Variants in HADHA observed in about 807,000 individuals in gnomAD.
HADHA encodes hydroxyacyl-CoA dehydrogenase trifunctional multienzyme complex subunit alpha, also known as trifunctional enzyme subunit alpha, mitochondrial.
A neutral mutation model predicts 91.3 loss-of-function variants in HADHA; 59 were observed. The ratio of observed to expected loss-of-function variants is 0.65; its 90% confidence interval spans 0.52 to 0.80. HADHA has a LOEUF of 0.80. HADHA is among the 30% of genes least tolerant of loss of function. The pLI is 0.00. For synonymous variants in HADHA, 320 were observed against 338.9 expected (o/e 0.94, Z 0.61); for missense variants, 800 against 927.6 (o/e 0.86, Z 1.79).
rs545973602 is a variant in HADHA, at chr2:26,242,339, T to C, written c.67+2191A>G. On this transcript the variant is annotated intron_variant, in intron 1 of 19. Coordinates refer to ENST00000380649, the MANE Select transcript of HADHA (RefSeq NM_000182.5). ...GTCATTTTAAATTCACTTTCCAGAC[T>C]TTTTTTCAAAATTTATAAATTGCTA... Among the ~76,000 whole-genome samples the C allele has an allele frequency of 2.1e-3, 318 of 152,304 alleles. 1 individual carries two copies. The highest frequency in any genetic ancestry group is 0.01 in the Middle Eastern group (3 of 294).
chr2:26,214,916 T>G lies in HADHA; in HGVS notation c.799+137A>C. The G allele has an allele frequency of 1.1e-6, 1 of 869,720 alleles. No homozygotes were observed. The highest frequency in any genetic ancestry group is 1.9e-6 in the Non-Finnish European group (1 of 516,768). 53.9% of individuals were successfully genotyped at this position (869,720 alleles called of 1,614,324 possible). On this transcript the variant is annotated intron_variant, in intron 8 of 19. Transcript: ENST00000380649. The surrounding 1 kb of genome is among the most constrained non-coding windows in gnomAD (Gnocchi z 4.1). ...GGATAGTGTAAAGTTGAGGAGTTGT[T>G]ACATCTCCTACCTAAGGCTGACTTT...
Position 26,221,941 on chromosome 2 carries a change from G to A in HADHA, c.677-6766C>T, listed in dbSNP as rs1670384352. On this transcript the variant is annotated intron_variant, in intron 7 of 19. Transcript: ENST00000380649. This position sits in a 1 kb window ranked among gnomAD's most constrained non-coding sequence, Gnocchi z 4.8. The stretch of plus-strand genomic sequence containing the variant: ...TAGGCCGTGGCAAACGGTTTGCCTG[G>A]GTGGTAAGGAACTTACAGGGAACAC... 6.6e-6 allele frequency among the ~76,000 whole-genome samples: 1 copy of A among 152,160 alleles called. No individual in the cohort carries two copies.
Position 26,191,152 on chromosome 2 carries a change from T to TC in HADHA, c.*97dup, listed in dbSNP as rs1436388101. 6 of 1,281,236 alleles carry TC rather than the reference T, an allele frequency of 4.7e-6. No individual in the cohort carries two copies. Among genetic ancestry groups the TC allele is most frequent in the Non-Finnish European group, 6.8e-6 (6 of 884,856 alleles). The allele number at this position is 1,281,236 out of a possible 1,614,324, so 79.4% of individuals were successfully genotyped here. A position where few individuals can be genotyped will look rare whatever the true frequency, so the allele number is the denominator to read the frequency against. ...GCAAACCCAGTGCCGGAGTTTGTCT[T>TC]CTCGTTACTCTGATAAATCTAGACA... On this transcript the variant is annotated 3_prime_UTR_variant, in exon 20 of 20. Transcript: ENST00000380649.
At chr2:26,216,317 A>ATTTTT (rs11406704) in intron 7 of HADHA, among the ~76,000 whole-genome samples, 15 of 110,184 alleles carry the variant, frequency 1.4e-4, no homozygotes, top group African/African-American at 3.2e-4. Flanking sequence ...CATTTGACCT[A>ATTTTT]TTTTTTTTTT....
chr2:26,201,082 TAA>T, intron 13 of HADHA, 65 bp downstream of exon 13: 4 of 1,152,582 alleles, frequency 3.5e-6, no homozygotes, highest in Non-Finnish European at 5.1e-6. Flanking sequence ...ATAGCTCCTT[TAA>T]AAAAAAAATC....
At chr2:26,222,971 G>A (rs796542627) in intron 7 of HADHA, among the ~76,000 whole-genome samples, 7 of 152,266 alleles carry the variant, frequency 4.6e-5, no homozygotes, top group African/African-American at 1.4e-4. Context: ...GCCAGGATTC[G>A]TGAGTCCAGA....
intron 7 of HADHA, among the ~76,000 whole-genome samples, chr2:26,225,397 CA>C (rs35279747): frequency 0.014 from 2,015 of 139,014 alleles, 12 homozygotes; most frequent in African/African-American, 0.027. Context: ...GACTCCATCT[CA>C]AAAAAAAAAA....
intron 7 of HADHA, among the ~76,000 whole-genome samples, chr2:26,219,156 T>C (rs1670309992): frequency 6.6e-6 from 1 of 150,730 alleles, no homozygotes; most frequent in African/African-American, 2.4e-5. Context: ...TGAGATGGAG[T>C]CTCGCTCTGT....
chr2:26,205,193 A>G (rs537696293), intron 11 of HADHA, among the ~76,000 whole-genome samples: 9 of 152,208 alleles, frequency 5.9e-5, no homozygotes, highest in Admixed American at 1.3e-4. Context: ...AATTTGCCAT[A>G]TTCCCATAGT....
At chr2:26,230,389 A>G (rs1670594522) in intron 6 of HADHA, 95 bp from the exon 7 acceptor site, 1 of 807,838 alleles carries the variant, frequency 1.2e-6, no homozygotes, top group African/African-American at 1.7e-5. Flanking sequence ...TATTAAAATG[A>G]GAAAAGTCAA....
chr2:26,214,825 GAA>G lies in HADHA; in HGVS notation c.799+226_799+227del, dbSNP rs1317088912. 2.6e-5 allele frequency among the ~76,000 whole-genome samples: 4 copies of G among 152,210 alleles called. No individual in the cohort carries two copies. In the East Asian group the frequency reaches 7.7e-4, roughly 29 times the overall value. ...GTTCATGCTTAACATTTTCTAAAAT[GAA>G]AAGTTTTCTATGACTCAAGGGTCAT... is the stretch of plus-strand genomic sequence containing the variant. On this transcript the variant is annotated intron_variant, in intron 8 of 19. Coordinates refer to ENST00000380649, the MANE Select transcript of HADHA (RefSeq NM_000182.5). The surrounding 1 kb of genome is among the most constrained non-coding windows in gnomAD (Gnocchi z 4.1).
chr2:26,197,540 T>C, intron 14 of HADHA, 151 bp downstream of exon 14: 1 of 684,258 alleles, frequency 1.5e-6, no homozygotes, highest in Non-Finnish European at 2.7e-6. Flanking sequence ...CTCACACTAG[T>C]CATGGTATTA....
chr2:26,208,445 A>C (rs1285018538), intron 11 of HADHA, among the ~76,000 whole-genome samples: 2 of 152,200 alleles, frequency 1.3e-5, no homozygotes, highest in Admixed American at 6.6e-5. Context: ...GAGTTAATAA[A>C]TTAAGACACT....
intron 7 of HADHA, among the ~76,000 whole-genome samples, chr2:26,226,807 T>A (rs1670494604): frequency 6.6e-6 from 1 of 151,958 alleles, no homozygotes; most frequent in Non-Finnish European, 1.5e-5. Context: ...CCATAAATAC[T>A]CCAAATGGAT....
intron 11 of HADHA, among the ~76,000 whole-genome samples, chr2:26,209,349 C>T (rs1670040084): frequency 6.6e-6 from 1 of 152,108 alleles, no homozygotes; most frequent in Non-Finnish European, 1.5e-5. Flanking sequence ...CTTTCCAATA[C>T]TTAGGTTGTA....
chr2:26,223,559 C>G (rs556572599), intron 7 of HADHA, among the ~76,000 whole-genome samples: 1 of 152,172 alleles, frequency 6.6e-6, no homozygotes, highest in Non-Finnish European at 1.5e-5. Flanking sequence ...CAGTGCACTG[C>G]GGTGTCATCT....
At chr2:26,240,915 T>C (rs1270680849) in intron 1 of HADHA, among the ~76,000 whole-genome samples, 1 of 152,106 alleles carries the variant, frequency 6.6e-6, no homozygotes, top group Non-Finnish European at 1.5e-5. Flanking sequence ...TCAAGACAAA[T>C]AGAAACAAAT....
intron 7 of HADHA, among the ~76,000 whole-genome samples, chr2:26,218,382 G>A (rs143815251): frequency 4.1e-4 from 62 of 151,472 alleles, no homozygotes; most frequent in Non-Finnish European, 7.7e-4. Context: ...GACTTTGTCA[G>A]ACAAATCAAA....
intron 10 of HADHA, chr2:26,212,094 T>C (rs1357222983): frequency 4.7e-5 from 8 of 168,882 alleles, no homozygotes; most frequent in Non-Finnish European, 2.6e-5. Context: ...TTTTTTCTTT[T>C]TTTTTGGAGA....
Sources: gnomAD v4.1 joint callset for allele counts (sites outside exome capture counted in the v4.1 genomes callset) on GRCh38, gnomAD v4.1.1 for gene constraint, Gnocchi (gnomAD v3.1) non-coding constraint, MANE v1.5 for transcripts, NCBI Gene and HGNC (gene_info 2026-07-23, HGNC 2026-07-21) for gene names.